RBM26: variants seen among roughly 807,000 people sequenced by gnomAD.
RBM26 encodes the protein RNA binding motif protein 26.
In RBM26, 30 loss-of-function variants were observed where a neutral mutation model predicts 123.6. The observed-to-expected ratio is 0.24, with a 90% CI of 0.18 to 0.33. The LOEUF is 0.33. Ranked by LOEUF, RBM26 falls within the 10% of genes least tolerant of loss-of-function variation. The pLI, the probability that RBM26 is intolerant of heterozygous loss-of-function variation, is 1.00. For missense variants in RBM26, 947 were observed against 1,203.6 expected (o/e 0.79, Z 3.15); for synonymous variants, 400 against 404.4 (o/e 0.99, Z 0.13).
At chr13:79,403,090 C>CAAA (rs1214237865) in intron 1 of RBM26, among the ~76,000 whole-genome samples, 2 of 121,076 alleles carry the variant, frequency 1.7e-5, no homozygotes, top group Non-Finnish European at 1.8e-5. Context: ...AATGTTAAAG[C>CAAA]AAAAAAAAAA....
chr13:79,334,233 A>G lies in RBM26; in HGVS notation c.2820+111T>C. 5.0e-6 allele frequency: 3 copies of G among 601,998 alleles called. 1 individual carries two copies. In the South Asian group the frequency reaches 6.6e-5, roughly 13 times the overall value. 37.3% of individuals were successfully genotyped at this position (601,998 alleles called of 1,614,324 possible). On this transcript the variant is annotated intron_variant, in intron 20 of 21. Transcript: ENST00000438737. ...GAATTCCACTTCAGGTGTTCTACCT[A>G]TTGTCAAAGCATATTATTTAGTAAG...
At chr13:79,397,680 CAAAAAAAAAAAAAA>C (rs561587209) in intron 1 of RBM26, among the ~76,000 whole-genome samples, 1 of 63,258 alleles carries the variant, frequency 1.6e-5, no homozygotes, top group African/African-American at 7.2e-5. Context: ...GACTCCATCT[CAAAAAAAAAAAAAA>C]AAAAAAAAAG....
chr13:79,392,317 T>C (rs966284161), intron 1 of RBM26, among the ~76,000 whole-genome samples: 7 of 141,946 alleles, frequency 4.9e-5, no homozygotes, highest in East Asian at 2.0e-4. Flanking sequence ...AACGGTAATA[T>C]ATAATTAGTA....
chr13:79,397,831 C>T (rs1328674955), intron 1 of RBM26, among the ~76,000 whole-genome samples: 2 of 151,596 alleles, frequency 1.3e-5, no homozygotes, highest in Admixed American at 6.6e-5. Context: ...CAGAATTCAA[C>T]GTCAATATAC....
At chr13:79,349,143 AC>A (rs2072804357) in intron 14 of RBM26, among the ~76,000 whole-genome samples, 1 of 152,158 alleles carries the variant, frequency 6.6e-6, no homozygotes, top group South Asian at 2.1e-4. Context: ...AAATATATAC[AC>A]TGTAAAATGG....
rs2076080671 is a variant in RBM26 at position 79,372,844 on chromosome 13, A to G, written c.328-914T>C. Among the ~76,000 whole-genome samples the G allele has an allele frequency of 3.3e-5, 3 of 90,006 alleles. 1 individual carries two copies. In the Admixed American group the frequency reaches 4.2e-4, roughly 13 times the overall value. The allele number at this position is 90,006 out of a possible 152,430, so 59.0% of individuals were successfully genotyped here. On this transcript the variant is annotated intron_variant, in intron 3 of 21. Transcript: ENST00000438737. ...AATAAATATTTTATATAAATATATT[A>G]TATATTATATAAATATAAATATATT...
chr13:79,375,146 T>C (rs918037345), intron 3 of RBM26, among the ~76,000 whole-genome samples: 7 of 88,610 alleles, frequency 7.9e-5, no homozygotes, highest in Admixed American at 2.1e-4. Flanking sequence ...AAATAATATA[T>C]ATTATTCATA....
At chr13:79,331,059 G>A (rs1593993186) in intron 20 of RBM26, among the ~76,000 whole-genome samples, 1 of 151,918 alleles carries the variant, frequency 6.6e-6, no homozygotes, top group South Asian at 2.1e-4. Context: ...CGCCCAGGCT[G>A]AAGCACAGTG....
chr13:79,372,872 TA>T lies in RBM26; in HGVS notation c.328-943del, dbSNP rs1555330456. On this transcript the variant is annotated intron_variant, in intron 3 of 21. Transcript: ENST00000438737. ...TATTATATAAATATAAATATATTTA[TA>T]ATATTTTATATGCTATATAAAATAT... is the stretch of plus-strand genomic sequence containing the variant. Among the ~76,000 whole-genome samples the T allele has an allele frequency of 1.1e-4, 3 of 26,856 alleles. 1 individual carries two copies. The highest frequency in any genetic ancestry group is 3.1e-4 in the African/African-American group (3 of 9,812). The allele number at this position is 26,856 out of a possible 152,430, so 17.6% of individuals were successfully genotyped here. A position where few individuals can be genotyped will look rare whatever the true frequency, so the allele number is the denominator to read the frequency against.
chr13:79,364,013 G>A (rs2074997888), intron 9 of RBM26, among the ~76,000 whole-genome samples: 1 of 152,164 alleles, frequency 6.6e-6, no homozygotes, highest in Non-Finnish European at 1.5e-5. Flanking sequence ...AACTAGCCAG[G>A]TGGGAGACAG....
chr13:79,368,438 T>C (rs1227438903), intron 6 of RBM26, among the ~76,000 whole-genome samples: 2 of 152,218 alleles, frequency 1.3e-5, no homozygotes, highest in Non-Finnish European at 2.9e-5. Context: ...GTTTTGTCAA[T>C]AATGTTTCAG....
intron 1 of RBM26, among the ~76,000 whole-genome samples, chr13:79,397,703 A>AG (rs1491139599): frequency 4.2e-5 from 6 of 144,492 alleles, no homozygotes; most frequent in African/African-American, 1.3e-4. Flanking sequence ...AAAAAAAAAA[A>AG]GAAATGAAGG....
chr13:79,335,769 CTT>C (rs1048309264), intron 19 of RBM26, among the ~76,000 whole-genome samples: 2 of 152,128 alleles, frequency 1.3e-5, no homozygotes, highest in Non-Finnish European at 2.9e-5. Context: ...AACAAACTCA[CTT>C]TGTCTGTTTG....
In RBM26 at chr13:79,354,421, G is replaced by GT. The variant is rs1480730645; in HGVS notation, c.1986+17dup. 13 of 1,527,622 alleles carry GT rather than the reference G, an allele frequency of 8.5e-6. No individual in the cohort carries two copies. The highest frequency in any genetic ancestry group is 2.7e-5 in the African/African-American group (2 of 72,774). The allele number at this position is 1,527,622 out of a possible 1,614,324, so 94.6% of individuals were successfully genotyped here. On this transcript the variant is annotated intron_variant, in intron 13 of 21. Coordinates refer to ENST00000438737, the MANE Select transcript of RBM26 (RefSeq NM_001366735.2). ...CTGAGAACCTATTACGGGCACAATC[G>GT]TAAGACCTTTGCTTTACCTGAGGAA... is the stretch of plus-strand genomic sequence containing the variant.
chr13:79,397,855 T>C (rs751407368), intron 1 of RBM26, among the ~76,000 whole-genome samples: 18 of 152,200 alleles, frequency 1.2e-4, no homozygotes, highest in Non-Finnish European at 2.1e-4. Flanking sequence ...TATATTTCTA[T>C]ATACTAACAA....
chr13:79,399,262 T>C (rs1029337824), intron 1 of RBM26, among the ~76,000 whole-genome samples: 2 of 152,186 alleles, frequency 1.3e-5, no homozygotes, highest in Non-Finnish European at 2.9e-5. Flanking sequence ...GGAATCAAAA[T>C]GTCTTCTTTT....
In RBM26 at chr13:79,320,589, T is replaced by C; in HGVS notation, c.*32A>G. 1 of 1,544,550 alleles carries C rather than the reference T, an allele frequency of 6.5e-7. No individual in the cohort carries two copies. ...TAATACTAATGAAACACAGGTAGAG[T>C]TCTAGCATATGCAGATCAATGATCA... On this transcript the variant is annotated 3_prime_UTR_variant, in exon 22 of 22. Transcript: ENST00000438737.
At chr13:79,367,330 C>T (rs2075358764) in intron 6 of RBM26, among the ~76,000 whole-genome samples, 1 of 146,338 alleles carries the variant, frequency 6.8e-6, no homozygotes, top group Admixed American at 7.1e-5. Context: ...TCGCTAGAAC[C>T]CGGGAGGCAG....
intron 1 of RBM26, among the ~76,000 whole-genome samples, chr13:79,379,982 T>C (rs1281446881): frequency 1.3e-5 from 2 of 152,140 alleles, no homozygotes; most frequent in African/African-American, 2.4e-5. Flanking sequence ...AATATGAAAA[T>C]GTATTCTGGT....
Sources: allele counts gnomAD v4.1 joint callset (sites outside exome capture counted in the v4.1 genomes callset), GRCh38; gene constraint gnomAD v4.1.1; transcripts MANE v1.5; gene names NCBI Gene and HGNC (gene_info 2026-07-23, HGNC 2026-07-21).